GALNT13: variants seen among roughly 807,000 people sequenced by gnomAD.
GALNT13 encodes the protein polypeptide N-acetylgalactosaminyltransferase 13.
GALNT13 carries 28 observed loss-of-function variants against 64.2 expected under a neutral mutation model. The ratio of observed to expected loss-of-function variants is 0.44; its 90% CI spans 0.32 to 0.60. GALNT13 has a LOEUF of 0.60. GALNT13 is among the 20% of genes least tolerant of loss of function. The probability of loss-of-function intolerance (pLI) is 0.05; values close to 1 mark genes in which losing one functional copy is unlikely to be tolerated. For missense variants in GALNT13, 577 were observed against 669.8 expected (o/e 0.86, Z 1.53); for synonymous variants, 214 against 224.6 (o/e 0.95, Z 0.42).
At chr2:153,312,234 G>A in the GALNT13 span, among the ~76,000 whole-genome samples, 12 of 152,178 alleles carry the variant, frequency 7.9e-5, no homozygotes, top group South Asian at 2.1e-4. Flanking sequence ...CCTGCAGAGG[G>A]ATTGTAATAA....
chr2:153,329,167 G>A, the GALNT13 span, among the ~76,000 whole-genome samples: 1 of 151,954 alleles, frequency 6.6e-6, no homozygotes, highest in Non-Finnish European at 1.5e-5. Flanking sequence ...AGATGAACCG[G>A]GTACCTCAGC....
the GALNT13 span, among the ~76,000 whole-genome samples, chr2:153,431,471 A>G: frequency 9.3e-4 from 142 of 152,208 alleles, no homozygotes; most frequent in Non-Finnish European, 1.7e-3. Flanking sequence ...CTAGGTATAC[A>G]CTTGGCTTGA....
At chr2:153,460,663 T>A in the GALNT13 span, among the ~76,000 whole-genome samples, 126 of 152,248 alleles carry the variant, frequency 8.3e-4, no homozygotes, top group Middle Eastern at 3.4e-3. Context: ...TCCATATGAT[T>A]AATAAGTTAA....
At chr2:153,772,115 C>G in the GALNT13 span, among the ~76,000 whole-genome samples, 1 of 152,190 alleles carries the variant, frequency 6.6e-6, no homozygotes, top group African/African-American at 2.4e-5. Flanking sequence ...GTGCTCTCCA[C>G]ACTTGCCATT....
chr2:153,170,685 T>A, the GALNT13 span, among the ~76,000 whole-genome samples: 2 of 152,228 alleles, frequency 1.3e-5, no homozygotes, highest in East Asian at 3.8e-4. Flanking sequence ...TGTTGGTCAT[T>A]AGCCAACTGA....
intron 7 of GALNT13, 132 bp from the exon 8 acceptor site, chr2:154,258,889 C>A: frequency 3.6e-6 from 2 of 558,794 alleles, no homozygotes; most frequent in Non-Finnish European, 3.2e-6. Context: ...ACTTCTTACA[C>A]CTTGACTTTG....
intron 4 of GALNT13, among the ~76,000 whole-genome samples, chr2:154,194,028 G>A (rs1003884271): frequency 3.9e-5 from 6 of 152,118 alleles, no homozygotes; most frequent in Non-Finnish European, 7.3e-5. Flanking sequence ...TTGCAGCAGT[G>A]GCTCTAGACT....
the GALNT13 span, among the ~76,000 whole-genome samples, chr2:153,074,582 A>G: frequency 1.3e-5 from 2 of 152,136 alleles, no homozygotes; most frequent in African/African-American, 2.4e-5. Flanking sequence ...TTGCACTACA[A>G]TGTTACCATG....
chr2:153,196,514 C>T, the GALNT13 span, among the ~76,000 whole-genome samples: 1 of 152,152 alleles, frequency 6.6e-6, no homozygotes, highest in African/African-American at 2.4e-5. Context: ...ACTCCCAAGC[C>T]TGTGGGGGCA....
At chr2:153,189,464 T>C in the GALNT13 span, among the ~76,000 whole-genome samples, 2 of 152,148 alleles carry the variant, frequency 1.3e-5, no homozygotes, top group African/African-American at 4.8e-5. Context: ...TATTCTACTA[T>C]GTAAATAAAC....
intron 8 of GALNT13, among the ~76,000 whole-genome samples, chr2:154,260,160 A>T (rs1196219983): frequency 3.3e-5 from 5 of 152,152 alleles, no homozygotes; most frequent in Non-Finnish European, 7.4e-5. Context: ...AGTTGCGATT[A>T]CAGGCATGAG....
chr2:153,248,714 G>T, the GALNT13 span, among the ~76,000 whole-genome samples: 2 of 151,522 alleles, frequency 1.3e-5, no homozygotes, highest in African/African-American at 4.8e-5. Flanking sequence ...TACTCAGGAG[G>T]CTGAGGCAGG....
chr2:153,524,427 C>T, the GALNT13 span, among the ~76,000 whole-genome samples: 1 of 151,596 alleles, frequency 6.6e-6, no homozygotes, highest in Non-Finnish European at 1.5e-5. Flanking sequence ...ACAAAGAACA[C>T]CTCTATAAGA....
At chr2:153,165,318 G>A in the GALNT13 span, among the ~76,000 whole-genome samples, 3 of 152,302 alleles carry the variant, frequency 2.0e-5, no homozygotes, top group African/African-American at 7.2e-5. Flanking sequence ...TTAGTATTGT[G>A]ATACCACACA....
At chr2:154,367,075 A>T (rs547291253) in intron 9 of GALNT13, among the ~76,000 whole-genome samples, 101 of 152,160 alleles carry the variant, frequency 6.6e-4, no homozygotes, top group African/African-American at 1.1e-3. Context: ...TCCTTTTTTA[A>T]AAAAAAATTG....
chr2:153,131,409 A>G, the GALNT13 span, among the ~76,000 whole-genome samples: 1 of 151,980 alleles, frequency 6.6e-6, no homozygotes, highest in Non-Finnish European at 1.5e-5. Context: ...TTCTATGGGG[A>G]AGATGTTGGC....
At chr2:154,286,950 A>G (rs1344369259) in intron 8 of GALNT13, 3 of 536,824 alleles carry the variant, frequency 5.6e-6, no homozygotes, top group Non-Finnish European at 1.0e-5. Context: ...CTGTGCTGCC[A>G]TCCATCACTA....
chr2:153,610,369 A>G, the GALNT13 span, among the ~76,000 whole-genome samples: 1 of 152,186 alleles, frequency 6.6e-6, no homozygotes, highest in African/African-American at 2.4e-5. Context: ...TTATATGCAT[A>G]TATTTATTAA....
chr2:153,131,645 G>T, the GALNT13 span, among the ~76,000 whole-genome samples: 1 of 152,120 alleles, frequency 6.6e-6, no homozygotes, highest in Admixed American at 6.6e-5. Flanking sequence ...CTTGGGAATG[G>T]CTGTACTGAA....
Sources: gnomAD v4.1 joint callset for allele counts (sites outside exome capture counted in the v4.1 genomes callset) on GRCh38, gnomAD v4.1.1 for gene constraint, MANE v1.5 for transcripts, NCBI Gene and HGNC (gene_info 2026-07-23, HGNC 2026-07-21) for gene names.